The following SLC8A1 variants were observed in gnomAD, a reference collection of about 807,000 sequenced individuals.
The protein encoded by SLC8A1 is sodium/calcium exchanger 1.
Under a neutral mutation model 68.3 loss-of-function variants are expected in SLC8A1, and 18 were observed. The ratio of observed to expected loss-of-function variants is 0.26; its 90% CI spans 0.18 to 0.39. SLC8A1 has a LOEUF of 0.39. SLC8A1 is among the 10% of genes least tolerant of loss of function. The probability of loss-of-function intolerance (pLI) is 1.00; values close to 1 mark genes in which losing one functional copy is unlikely to be tolerated. For missense variants in SLC8A1, 985 were observed against 1,156.7 expected (o/e 0.85, Z 2.15); for synonymous variants, 475 against 415.5 (o/e 1.14, Z -1.74).
intron 2 of SLC8A1, among the ~76,000 whole-genome samples, chr2:40,358,412 G>T (rs1278696825): frequency 6.6e-6 from 1 of 152,108 alleles, no homozygotes; most frequent in East Asian, 1.9e-4. Flanking sequence ...TATCGTTTCA[G>T]GTACTTAGGA....
At chr2:40,228,838 AG>A (rs1301392398) in intron 2 of SLC8A1, among the ~76,000 whole-genome samples, 1 of 152,180 alleles carries the variant, frequency 6.6e-6, no homozygotes, top group African/African-American at 2.4e-5. Context: ...GGTGGAAAAA[AG>A]CTATACCTAT....
chr2:40,192,535 T>C (rs1489232608), intron 2 of SLC8A1, among the ~76,000 whole-genome samples: 1 of 152,116 alleles, frequency 6.6e-6, no homozygotes, highest in Admixed American at 6.6e-5. Context: ...TTACATAGAA[T>C]ACTAACGCAA....
chr2:40,101,097 T>G (rs1415277522), exon 8 of SLC8A1: 3 of 152,094 alleles, frequency 2.0e-5, no homozygotes, highest in Non-Finnish European at 2.9e-5. Context: ...TAACCCACAA[T>G]CTTAAGTTCC....
At chr2:40,214,096 T>G (rs116383490) in intron 2 of SLC8A1, among the ~76,000 whole-genome samples, 2,217 of 152,318 alleles carry the variant, frequency 0.015, 65 homozygotes, top group African/African-American at 0.051. Flanking sequence ...ATCTGGCATC[T>G]GCGTCTGCCT....
chr2:40,162,893 C>T (rs2045930178), intron 5 of SLC8A1, among the ~76,000 whole-genome samples: 1 of 152,086 alleles, frequency 6.6e-6, no homozygotes, highest in African/African-American at 2.4e-5. Context: ...TGAAAGGTAC[C>T]ACCCAGATTT....
chr2:40,441,462 C>G (rs1700471424), intron 1 of SLC8A1, among the ~76,000 whole-genome samples: 1 of 151,818 alleles, frequency 6.6e-6, no homozygotes, highest in Non-Finnish European at 1.5e-5. Flanking sequence ...CAAGACAATC[C>G]TAAGCAAAAA....
intron 6 of SLC8A1, among the ~76,000 whole-genome samples, chr2:40,146,172 A>C (rs1164855760): frequency 6.6e-6 from 1 of 152,230 alleles, no homozygotes; most frequent in East Asian, 1.9e-4. Flanking sequence ...GCACAGAAGA[A>C]AATGTAGGCA....
intron 2 of SLC8A1, among the ~76,000 whole-genome samples, chr2:40,312,696 G>A (rs1045739096): frequency 6.6e-6 from 1 of 152,054 alleles, no homozygotes. Context: ...TGCATACCAA[G>A]TTAATCACAT....
At chr2:40,459,904 T>C (rs1314114689) in intron 1 of SLC8A1, among the ~76,000 whole-genome samples, 2 of 152,222 alleles carry the variant, frequency 1.3e-5, no homozygotes, top group Non-Finnish European at 2.9e-5. Flanking sequence ...CTCATTCGCA[T>C]ACATGGCTTG....
At chr2:40,430,056 A>T (rs201244983) in exon 2 of SLC8A1, 2 of 1,613,928 alleles carry the variant, frequency 1.2e-6, no homozygotes, top group East Asian at 2.2e-5. Context: ...TAGCTCTAGC[A>T]ATTTTGTCCC....
chr2:40,173,848 G>A (rs565210909), intron 4 of SLC8A1, among the ~76,000 whole-genome samples: 3 of 152,184 alleles, frequency 2.0e-5, no homozygotes, highest in Admixed American at 1.3e-4. Context: ...CAGACCTACT[G>A]TTTAAATATT....
intron 1 of SLC8A1, among the ~76,000 whole-genome samples, chr2:40,447,896 C>T (rs1701743740): frequency 6.6e-6 from 1 of 152,212 alleles, no homozygotes; most frequent in African/African-American, 2.4e-5. Flanking sequence ...ACATGTTCCC[C>T]TCCTTCTACT....
At chr2:40,442,000 T>C (rs1323235095) in intron 1 of SLC8A1, among the ~76,000 whole-genome samples, 1 of 134,044 alleles carries the variant, frequency 7.5e-6, no homozygotes, top group East Asian at 2.3e-4. Context: ...TGTTGGACAT[T>C]TGGGTTGGTT....
chr2:40,253,044 TATGTATATATGTAC>T (rs2063155224), intron 2 of SLC8A1, among the ~76,000 whole-genome samples: 1 of 138,070 alleles, frequency 7.2e-6, no homozygotes, highest in Non-Finnish European at 1.6e-5. Flanking sequence ...TGTATCAGTA[TATGTATATATGTAC>T]ATGTATATAC....
chr2:40,115,627 T>A, exon 8 of SLC8A1: 1 of 1,605,766 alleles, frequency 6.2e-7, no homozygotes, highest in Non-Finnish European at 8.5e-7. Context: ...CTGGCAAATG[T>A]GTCTGCAGAG....
At chr2:40,363,698 G>T (rs1675230698) in intron 2 of SLC8A1, among the ~76,000 whole-genome samples, 1 of 152,032 alleles carries the variant, frequency 6.6e-6, no homozygotes, top group Non-Finnish European at 1.5e-5. Flanking sequence ...CTTTAAATTT[G>T]CCCCTTTGTG....
intron 1 of SLC8A1, 38 bp downstream of exon 1, chr2:40,451,866 G>A (rs936494028): frequency 6.6e-6 from 1 of 152,218 alleles, no homozygotes; most frequent in African/African-American, 2.4e-5. Flanking sequence ...CTTGGTCTCT[G>A]ACTAAATGCC....
At chr2:40,329,001 G>A (rs2076133109) in intron 2 of SLC8A1, among the ~76,000 whole-genome samples, 1 of 150,792 alleles carries the variant, frequency 6.6e-6, no homozygotes, top group African/African-American at 2.4e-5. Context: ...TATCCCTCCT[G>A]GTCCCTTATG....
chr2:40,211,947 T>G (rs981196893), intron 2 of SLC8A1, among the ~76,000 whole-genome samples: 8 of 152,234 alleles, frequency 5.3e-5, no homozygotes, highest in Non-Finnish European at 1.2e-4. Context: ...CATCACTAGT[T>G]AATGCCCACA....
Sources: gnomAD v4.1 joint callset for allele counts (sites outside exome capture counted in the v4.1 genomes callset) on GRCh38, gnomAD v4.1.1 for gene constraint, MANE v1.5 for transcripts, NCBI Gene and HGNC (gene_info 2026-07-23, HGNC 2026-07-21) for gene names.